RBFOX1: variants seen among roughly 807,000 people sequenced by gnomAD.
The protein encoded by RBFOX1 is RNA binding protein fox-1 homolog 1.
A neutral mutation model predicts 57.7 loss-of-function variants in RBFOX1; 8 were observed. That is an observed-to-expected ratio of 0.14 (90% CI 0.08 to 0.25). The LOEUF is 0.25. Among genes scored for constraint, RBFOX1 ranks in the 10% least tolerant of loss-of-function variants. The pLI, the probability that RBFOX1 is intolerant of heterozygous loss-of-function variation, is 1.00. For missense variants in RBFOX1, 611 were observed against 548.5 expected, an observed-to-expected ratio of 1.11 and a Z score of -1.14; for synonymous variants, 326 against 222.4, an observed-to-expected ratio of 1.47 and a Z score of -4.15.
intron 5 of RBFOX1, among the ~76,000 whole-genome samples, chr16:7,539,697 C>T (rs543716141): frequency 1.3e-5 from 2 of 152,238 alleles, no homozygotes; most frequent in African/African-American, 4.8e-5. Flanking sequence ...AAGGACCAGG[C>T]AGAGTAGTCT....
rs374519635 is a variant in RBFOX1 at position 7,229,942 on chromosome 16, G to A, written c.27+177844G>A. Among the ~76,000 whole-genome samples the A allele has an allele frequency of 1.8e-3, 43 of 23,936 alleles. No individual in the cohort carries two copies. The East Asian group carries it at 0.02, about 11-fold the overall frequency. 15.7% of individuals were successfully genotyped at this position (23,936 alleles called of 152,430 possible). On this transcript the variant is annotated intron_variant, in intron 4 of 15. Coordinates refer to ENST00000550418, the MANE Select transcript of RBFOX1 (RefSeq NM_018723.4). ...AGAGAGGGAGGAAGGGAGAGAGAGGGAGGAAGGGAGAGAGAGGGAGGAAGG... is the reference window on the plus strand; with the variant it reads ...AGAGAGGGAGGAAGGGAGAGAGAGGAAGGAAGGGAGAGAGAGGGAGGAAGG...
chr16:5,587,529 A>C (rs1004575369), intron 2 of RBFOX1, among the ~76,000 whole-genome samples: 2 of 152,158 alleles, frequency 1.3e-5, no homozygotes, highest in African/African-American at 4.8e-5. Context: ...CCTGGCCAAC[A>C]TGGTGAAACC....
chr16:7,483,523 C>G (rs1475739839), intron 4 of RBFOX1, among the ~76,000 whole-genome samples: 2 of 152,132 alleles, frequency 1.3e-5, no homozygotes, highest in Admixed American at 6.5e-5. Context: ...CTTTAATATC[C>G]AGACCTTTCC....
intron 4 of RBFOX1, among the ~76,000 whole-genome samples, chr16:7,342,092 G>A (rs544884751): frequency 5.3e-4 from 81 of 152,158 alleles, no homozygotes; most frequent in African/African-American, 1.9e-3. Flanking sequence ...ATTTCCTGAG[G>A]CAGCACAGTT....
chr16:6,299,665 C>A (rs555485571), intron 1 of RBFOX1, among the ~76,000 whole-genome samples: 1 of 152,138 alleles, frequency 6.6e-6, no homozygotes, highest in African/African-American at 2.4e-5. Context: ...CTCAGAGATC[C>A]CTAATGGATC....
chr16:7,097,052 C>T (rs1319969225), intron 4 of RBFOX1, among the ~76,000 whole-genome samples: 4 of 151,964 alleles, frequency 2.6e-5, no homozygotes, highest in Admixed American at 1.3e-4. Context: ...CAGATGCCTC[C>T]TATACAAATA....
At chr16:6,480,260 C>G (rs533972710) in intron 2 of RBFOX1, among the ~76,000 whole-genome samples, 1 of 152,144 alleles carries the variant, frequency 6.6e-6, no homozygotes, top group Admixed American at 6.6e-5. Context: ...TATACATACA[C>G]ACTTTTCACT....
At chr16:5,786,521 C>T (rs1005737537) in intron 3 of RBFOX1, among the ~76,000 whole-genome samples, 23 of 152,194 alleles carry the variant, frequency 1.5e-4, no homozygotes, top group African/African-American at 5.5e-4. Context: ...TGTGTTTCTG[C>T]CTCGAGAGGG....
intron 1 of RBFOX1, among the ~76,000 whole-genome samples, chr16:6,075,913 G>A (rs2095892317): frequency 6.6e-6 from 1 of 152,112 alleles, no homozygotes; most frequent in Admixed American, 6.5e-5. Context: ...AATGCTTGTG[G>A]CAACCTAATG....
chr16:7,463,929 T>A (rs1210849234), intron 4 of RBFOX1, among the ~76,000 whole-genome samples: 1 of 152,206 alleles, frequency 6.6e-6, no homozygotes, highest in East Asian at 1.9e-4. Flanking sequence ...ACATGTATAT[T>A]TTTTAAAAAG....
At chr16:6,327,511 T>C (rs1409866860) in intron 2 of RBFOX1, among the ~76,000 whole-genome samples, 3 of 152,186 alleles carry the variant, frequency 2.0e-5, no homozygotes, top group African/African-American at 7.2e-5. Context: ...CAGTTCGTTG[T>C]ATTTTGGGCT....
intron 1 of RBFOX1, among the ~76,000 whole-genome samples, chr16:5,414,762 G>C (rs2067116867): frequency 6.6e-6 from 1 of 152,164 alleles, no homozygotes. Flanking sequence ...TGGATCTTAA[G>C]GGTGAAATTG....
At chr16:6,319,823 A>C (rs997880467) in intron 2 of RBFOX1, among the ~76,000 whole-genome samples, 3 of 152,204 alleles carry the variant, frequency 2.0e-5, no homozygotes, top group Non-Finnish European at 4.4e-5. Context: ...TTGAAAATTT[A>C]ACTTCCAAGA....
chr16:7,575,013 A>G (rs1393574309), intron 5 of RBFOX1, among the ~76,000 whole-genome samples: 2 of 151,250 alleles, frequency 1.3e-5, no homozygotes, highest in Admixed American at 6.6e-5. Flanking sequence ...TGACCTCCAA[A>G]AAATATGTCC....
At chr16:6,726,242 C>G (rs1387005869) in intron 3 of RBFOX1, among the ~76,000 whole-genome samples, 1 of 152,076 alleles carries the variant, frequency 6.6e-6, no homozygotes, top group African/African-American at 2.4e-5. Context: ...CCTACCCCAG[C>G]AAGGGAAATT....
chr16:5,529,989 A>G (rs1386264923), intron 2 of RBFOX1, among the ~76,000 whole-genome samples: 1 of 152,162 alleles, frequency 6.6e-6, no homozygotes, highest in East Asian at 1.9e-4. Context: ...AGAGGCACAC[A>G]ACAGATTCTT....
intron 4 of RBFOX1, among the ~76,000 whole-genome samples, chr16:7,354,374 G>C (rs1479101624): frequency 1.3e-5 from 2 of 152,158 alleles, no homozygotes; most frequent in African/African-American, 4.8e-5. Context: ...TATTACCTGT[G>C]TTTGTTGAAG....
chr16:6,686,083 C>T (rs1195628398), intron 3 of RBFOX1, among the ~76,000 whole-genome samples: 1 of 152,110 alleles, frequency 6.6e-6, no homozygotes, highest in African/African-American at 2.4e-5. Context: ...GTGCTCAGCA[C>T]TGCATTATTT....
intron 4 of RBFOX1, among the ~76,000 whole-genome samples, chr16:7,317,512 G>A (rs973228872): frequency 1.3e-5 from 2 of 152,102 alleles, no homozygotes; most frequent in Non-Finnish European, 2.9e-5. Context: ...CCATCACGAA[G>A]CAACTGGTCT....
Sources: gnomAD v4.1 joint callset for allele counts (sites outside exome capture counted in the v4.1 genomes callset) on GRCh38, gnomAD v4.1.1 for gene constraint, MANE v1.5 for transcripts, NCBI Gene and HGNC (gene_info 2026-07-23, HGNC 2026-07-21) for gene names.